The following NEURL1 variants were observed in gnomAD, a reference collection of about 807,000 sequenced individuals.
The protein encoded by NEURL1 is E3 ubiquitin-protein ligase NEURL1.
NEURL1 carries 26 observed loss-of-function variants against 41.2 expected under a neutral mutation model. The observed-to-expected ratio is 0.63, with a 90% CI of 0.46 to 0.87. The LOEUF is 0.87. Ranked by LOEUF, NEURL1 falls within the 40% of genes least tolerant of loss-of-function variation. NEURL1 has a pLI of 0.00. For missense variants in NEURL1, 761 were observed against 871.1 expected, an observed-to-expected ratio of 0.87 and a Z score of 1.59; for synonymous variants, 400 against 402.3, an observed-to-expected ratio of 0.99 and a Z score of 0.07.
chr10:103,536,387 T>A lies in NEURL1; in HGVS notation c.86-34485T>A, dbSNP rs138771712. On this transcript the variant is annotated intron_variant, in intron 1 of 5. Coordinates refer to ENST00000369780, the MANE Select transcript of NEURL1 (RefSeq NM_004210.5). Reference sequence around the variant, plus strand: ...GGTGAAACCCCTTCCCTACTAAAAATCCAAAAATTAGCTGGGCGTGGGGGT... The same window carrying A: ...GGTGAAACCCCTTCCCTACTAAAAAACCAAAAATTAGCTGGGCGTGGGGGT... Among the ~76,000 whole-genome samples the A allele has an allele frequency of 2.4e-3, 372 of 152,116 alleles. 3 individuals carry two copies. The highest frequency in any genetic ancestry group is 8.1e-3 in the African/African-American group (337 of 41,512).
intron 5 of NEURL1, 137 bp downstream of exon 5, chr10:103,589,797 G>T: frequency 8.2e-7 from 1 of 1,225,332 alleles, no homozygotes; most frequent in East Asian, 2.4e-5. Flanking sequence ...GATTTCTGGG[G>T]TCATCCCCTC....
At chr10:103,497,597 G>A (rs1401062794) in intron 1 of NEURL1, among the ~76,000 whole-genome samples, 3 of 152,188 alleles carry the variant, frequency 2.0e-5, no homozygotes, top group African/African-American at 7.2e-5. Flanking sequence ...CGCCTCTCGG[G>A]TGATAGACTT....
At chr10:103,527,381 A>G (rs1381292300) in intron 1 of NEURL1, among the ~76,000 whole-genome samples, 1 of 144,798 alleles carries the variant, frequency 6.9e-6, no homozygotes, top group Admixed American at 7.0e-5. Flanking sequence ...AGCAACCTCT[A>G]CCTCCCAGGT....
chr10:103,503,789 T>A (rs1368105681), intron 1 of NEURL1, among the ~76,000 whole-genome samples: 1 of 11,938 alleles, frequency 8.4e-5, no homozygotes, highest in African/African-American at 2.2e-4. Context: ...TCCCCCTGGC[T>A]TTTTTTTTTT....
intron 1 of NEURL1, among the ~76,000 whole-genome samples, chr10:103,509,251 A>G (rs965736339): frequency 3.4e-5 from 5 of 148,592 alleles, no homozygotes; most frequent in African/African-American, 1.3e-4. Context: ...AAAAAAAAAA[A>G]AGAGAAAGAA....
Position 103,508,808 on chromosome 10 carries a change from G to A in NEURL1, c.85+14336G>A, listed in dbSNP as rs192355914. ...AAACTAGGGCTCTGTGTGCATGAGG[G>A]AGTCCTGCCTCCTTCACAGCAAAAT... On this transcript the variant is annotated intron_variant, in intron 1 of 5. Transcript: ENST00000369780. The surrounding 1 kb of genome is among the most constrained non-coding windows in gnomAD (Gnocchi z 4.3). 4.0e-3 allele frequency among the ~76,000 whole-genome samples: 603 copies of A among 152,306 alleles called. 3 individuals carry two copies. The highest frequency in any genetic ancestry group is 6.8e-3 in the Middle Eastern group (2 of 294).
intron 1 of NEURL1, among the ~76,000 whole-genome samples, chr10:103,550,184 G>A (rs577218584): frequency 2.0e-5 from 3 of 152,344 alleles, no homozygotes; most frequent in African/African-American, 7.2e-5. Flanking sequence ...GGATGAGAGA[G>A]GACTTGGTGA....
At chr10:103,527,847 G>C (rs760708655) in intron 1 of NEURL1, among the ~76,000 whole-genome samples, 1 of 152,146 alleles carries the variant, frequency 6.6e-6, no homozygotes, top group Non-Finnish European at 1.5e-5. Context: ...TCTAACTTCT[G>C]CTGGCTGAAT....
At chr10:103,551,297 A>ATTTTTT (rs528332099) in intron 1 of NEURL1, among the ~76,000 whole-genome samples, 22 of 118,710 alleles carry the variant, frequency 1.9e-4, no homozygotes, top group African/African-American at 4.7e-4. Context: ...GGTCAAATGA[A>ATTTTTT]TTTTTTTTTT....
chr10:103,538,685 C>T (rs1167957864), intron 1 of NEURL1, among the ~76,000 whole-genome samples: 2 of 148,462 alleles, frequency 1.3e-5, no homozygotes, highest in Non-Finnish European at 3.0e-5. Flanking sequence ...CTCGCTCTGA[C>T]GCCCAGGCTG....
At position 103,553,032 on chromosome 10, in the gene NEURL1, C is replaced by T. The variant is rs550413894; in HGVS notation, c.86-17840C>T. ...GGGAGGCTGATGTCTGGGTGTGGGG[C>T]CATAGGAAGGCCAGGCTGGCATGTG... is the stretch of plus-strand genomic sequence containing the variant. On this transcript the variant is annotated intron_variant, in intron 1 of 5. Transcript: ENST00000369780. 1.1e-4 allele frequency among the ~76,000 whole-genome samples: 17 copies of T among 152,232 alleles called. No homozygotes were observed. The East Asian group carries it at 3.3e-3, about 29-fold the overall frequency.
intron 1 of NEURL1, among the ~76,000 whole-genome samples, chr10:103,564,991 A>G (rs1307697058): frequency 6.6e-6 from 1 of 152,170 alleles, no homozygotes; most frequent in Non-Finnish European, 1.5e-5. Context: ...AGCGCCCCCT[A>G]GAGGAGTGCT....
intron 3 of NEURL1, chr10:103,577,930 A>C (rs1353471350): frequency 6.6e-6 from 1 of 152,220 alleles, no homozygotes; most frequent in Non-Finnish European, 1.5e-5. Context: ...GACTGTTTTT[A>C]ACTTACAAGA....
chr10:103,573,999 C>T (rs1029144420), intron 3 of NEURL1, among the ~76,000 whole-genome samples: 2 of 152,216 alleles, frequency 1.3e-5, no homozygotes, highest in Admixed American at 6.5e-5. Flanking sequence ...GAAGAATCCA[C>T]GTCTCACTCA....
At chr10:103,522,182 C>T (rs770179597) in intron 1 of NEURL1, among the ~76,000 whole-genome samples, 11 of 152,110 alleles carry the variant, frequency 7.2e-5, no homozygotes, top group Non-Finnish European at 1.5e-4. Flanking sequence ...TTTTGTGATT[C>T]TTCACTTGCT....
chr10:103,573,437 T>C (rs992809993), intron 3 of NEURL1, among the ~76,000 whole-genome samples: 3 of 151,890 alleles, frequency 2.0e-5, no homozygotes, highest in African/African-American at 7.3e-5. Flanking sequence ...TTTCTCGGGG[T>C]TCTTTGAGGA....
chr10:103,553,540 G>C (rs533429102), intron 1 of NEURL1, among the ~76,000 whole-genome samples: 4 of 152,258 alleles, frequency 2.6e-5, no homozygotes, highest in South Asian at 2.1e-4. Flanking sequence ...AGCATCGGCC[G>C]ACTGGGCTTG....
chr10:103,526,198 T>TC (rs1271472856), intron 1 of NEURL1, among the ~76,000 whole-genome samples: 2 of 46,550 alleles, frequency 4.3e-5, no homozygotes, highest in African/African-American at 9.4e-5. Flanking sequence ...TGTAGCTTTC[T>TC]TTTTTTTGTT....
intron 1 of NEURL1, chr10:103,512,106 C>A (rs962066581): frequency 6.6e-6 from 1 of 152,268 alleles, no homozygotes; most frequent in Admixed American, 6.5e-5. Context: ...TTGTGCCAGG[C>A]TCTGGAGACA....
Sources: gnomAD v4.1 joint callset for allele counts (sites outside exome capture counted in the v4.1 genomes callset) on GRCh38, gnomAD v4.1.1 for gene constraint, Gnocchi (gnomAD v3.1) non-coding constraint, MANE v1.5 for transcripts, NCBI Gene and HGNC (gene_info 2026-07-23, HGNC 2026-07-21) for gene names.